TRAPPC10: variants seen among roughly 807,000 people sequenced by gnomAD.
TRAPPC10 encodes the protein trafficking protein particle complex subunit 10, also known as TRAPP 130 kDa subunit.
A neutral mutation model predicts 125.5 loss-of-function variants in TRAPPC10; 23 were observed. That is an observed-to-expected ratio of 0.18 (90% CI 0.13 to 0.26). The LOEUF (loss-of-function observed/expected upper bound fraction) is 0.26. Ranked by LOEUF, TRAPPC10 falls within the 10% of genes least tolerant of loss-of-function variation. TRAPPC10 has a pLI of 1.00. For synonymous variants in TRAPPC10, 509 were observed against 518.0 expected (o/e 0.98, Z 0.24); for missense variants, 1,123 against 1,308.4 (o/e 0.86, Z 2.19).
At chr21:44,044,057 A>G (rs1299125635) in intron 3 of TRAPPC10, among the ~76,000 whole-genome samples, 1 of 152,258 alleles carries the variant, frequency 6.6e-6, no homozygotes, top group East Asian at 1.9e-4. Context: ...ACAGCAGTAG[A>G]TAACTGGAAT....
Position 44,012,575 on chromosome 21 carries a change from G to A in TRAPPC10, c.67+15G>A. Reference sequence around the variant, plus strand: ...CATCGTCACCTGTGAGTGCCCGGAGGCGGGGAGGGCGCGGCGGTCGTTGGG... The same window carrying A: ...CATCGTCACCTGTGAGTGCCCGGAGACGGGGAGGGCGCGGCGGTCGTTGGG... On this transcript the variant is annotated intron_variant, in intron 1 of 22. Coordinates refer to ENST00000291574, the MANE Select transcript of TRAPPC10 (RefSeq NM_003274.5). The A allele has an allele frequency of 6.5e-7, 1 of 1,531,786 alleles. No individual in the cohort carries two copies. The highest frequency in any genetic ancestry group is 8.8e-7 in the Non-Finnish European group (1 of 1,136,684). 94.9% of individuals were successfully genotyped at this position (1,531,786 alleles called of 1,614,324 possible). A position where few individuals can be genotyped will look rare whatever the true frequency, so the allele number is the denominator to read the frequency against.
Position 44,075,057 on chromosome 21 carries a change from C to T in TRAPPC10, c.1204C>T (p.Leu402=). ...ATEKLKSLGY[L]CGLVSEKGPN... is the part of the protein sequence containing the mutation. ...TTAACAGTTAAAGTCCTTGGGCTAT[C>T]TATGTGGACTTGTGTCAGAGAAAGG... Residue 402 remains leucine (L), a synonymous_variant, in exon 9 of 23, where the codon CTA becomes TTA. Transcript: ENST00000291574. 6.2e-7 allele frequency: 1 copy of T among 1,613,504 alleles called. No homozygotes were observed. Among genetic ancestry groups the T allele is most frequent in the East Asian group, 2.2e-5 (1 of 44,892 alleles).
At chr21:44,073,164 A>G (rs2037010128) in intron 7 of TRAPPC10, among the ~76,000 whole-genome samples, 2 of 152,184 alleles carry the variant, frequency 1.3e-5, no homozygotes, top group Middle Eastern at 6.8e-3. Context: ...CTTATTTTTC[A>G]GAAGTTGGGC....
chr21:44,086,787 T>C lies in TRAPPC10; in HGVS notation c.2381-15T>C. 6.2e-7 allele frequency: 1 copy of C among 1,613,326 alleles called. No homozygotes were observed. The highest frequency in any genetic ancestry group is 8.5e-7 in the Non-Finnish European group (1 of 1,179,336). ...GGTTGGCAGCGGTGCTGAGCCACGA[T>C]CTCTTTTCCTTTAGATAGCCTTCTG... On this transcript the variant is annotated splice_polypyrimidine_tract_variant and intron_variant, in intron 15 of 22. Coordinates refer to ENST00000291574, the MANE Select transcript of TRAPPC10 (RefSeq NM_003274.5).
chr21:44,069,915 A>G (rs1413989224), intron 7 of TRAPPC10, among the ~76,000 whole-genome samples: 5 of 151,124 alleles, frequency 3.3e-5, no homozygotes, highest in Admixed American at 6.6e-5. Context: ...TTTTTCTGAG[A>G]TGGAGTCTTG....
chr21:44,064,109 G>T (rs997888799), intron 7 of TRAPPC10, among the ~76,000 whole-genome samples: 1 of 152,204 alleles, frequency 6.6e-6, no homozygotes, highest in African/African-American at 2.4e-5. Flanking sequence ...TCACCTGAGG[G>T]ACACGCAGAG....
intron 5 of TRAPPC10, among the ~76,000 whole-genome samples, chr21:44,057,987 C>T (rs369531702): frequency 6.6e-6 from 1 of 152,234 alleles, no homozygotes; most frequent in Non-Finnish European, 1.5e-5. Flanking sequence ...CTGTTGCCCT[C>T]TCTTTTCATT....
At chr21:44,064,653 G>A (rs548976437) in intron 7 of TRAPPC10, among the ~76,000 whole-genome samples, 1 of 152,178 alleles carries the variant, frequency 6.6e-6, no homozygotes, top group African/African-American at 2.4e-5. Context: ...TAGGTCTGAA[G>A]AGTATAAGCC....
At chr21:44,048,895 A>G (rs1055907115) in intron 3 of TRAPPC10, among the ~76,000 whole-genome samples, 4 of 143,098 alleles carry the variant, frequency 2.8e-5, no homozygotes, top group African/African-American at 1.1e-4. Flanking sequence ...ATTGATTTCT[A>G]GCTTTTGATG....
At chr21:44,056,717 A>G (rs1347853831) in intron 5 of TRAPPC10, among the ~76,000 whole-genome samples, 1 of 152,208 alleles carries the variant, frequency 6.6e-6, no homozygotes, top group Non-Finnish European at 1.5e-5. Flanking sequence ...TGAAGCTGAC[A>G]GACTGCAGGG....
Position 44,087,960 on chromosome 21 carries a change from T to G in TRAPPC10, c.2769+32T>G. 1 of 1,563,930 alleles carries G rather than the reference T, an allele frequency of 6.4e-7. No homozygotes were observed. The highest frequency in any genetic ancestry group is 1.8e-5 in the Admixed American group (1 of 54,726). On this transcript the variant is annotated intron_variant, in intron 17 of 22. Coordinates refer to ENST00000291574, the MANE Select transcript of TRAPPC10 (RefSeq NM_003274.5). The surrounding 1 kb of genome is among the most constrained non-coding windows in gnomAD (Gnocchi z 4.6). ...AGGGACAGTGGAGGAGCTTAGCTTG[T>G]GGGGCGTCCGCCGCCCGCCTGCCTG... is the stretch of plus-strand genomic sequence containing the variant.
chr21:44,076,060 AAAT>A (rs2037259998), intron 9 of TRAPPC10, among the ~76,000 whole-genome samples: 1 of 147,328 alleles, frequency 6.8e-6, no homozygotes, highest in Non-Finnish European at 1.5e-5. Flanking sequence ...AAAAAAAAAA[AAAT>A]TCTCCTGGAT....
At position 44,051,247 on chromosome 21, in the gene TRAPPC10, C is replaced by T. The variant is rs534516340; in HGVS notation, c.286-1033C>T. ...CACTCGTGGATACTCTGATTGGCTTCTCTCTGCCTGAGTGTTACTCAAGAG... is the reference window on the plus strand; with the variant it reads ...CACTCGTGGATACTCTGATTGGCTTTTCTCTGCCTGAGTGTTACTCAAGAG... On this transcript the variant is annotated intron_variant, in intron 3 of 22. Transcript: ENST00000291574. Among the ~76,000 whole-genome samples, 6 of 152,280 alleles carry T rather than the reference C, an allele frequency of 3.9e-5. No homozygotes were observed. The South Asian group carries it at 1.0e-3, about 26-fold the overall frequency.
chr21:44,075,190 G>A lies in TRAPPC10; in HGVS notation c.1300+37G>A, dbSNP rs113258803. On this transcript the variant is annotated intron_variant, in intron 9 of 22. Transcript: ENST00000291574. ...TATATACCTGTGTGAGTGGTGAGGTGGACAGTAATGAAAATGTCCTTTGCA... is the reference window on the plus strand; with the variant it reads ...TATATACCTGTGTGAGTGGTGAGGTAGACAGTAATGAAAATGTCCTTTGCA... 8.7e-5 allele frequency: 125 copies of A among 1,442,670 alleles called. No homozygotes were observed. The African/African-American group carries it at 1.6e-3, about 19-fold the overall frequency. 89.4% of individuals were successfully genotyped at this position (1,442,670 alleles called of 1,614,324 possible).
At chr21:44,048,175 A>T (rs9979931) in intron 3 of TRAPPC10, among the ~76,000 whole-genome samples, 13,686 of 152,104 alleles carry the variant, frequency 0.09, 1,448 homozygotes, top group African/African-American at 0.25. Flanking sequence ...TTCCCTGTGG[A>T]ATACTCGAGG....
At chr21:44,078,914 C>T (rs2146066370) in intron 11 of TRAPPC10, among the ~76,000 whole-genome samples, 1 of 152,274 alleles carries the variant, frequency 6.6e-6, no homozygotes, top group Non-Finnish European at 1.5e-5. Context: ...CCACTGTATT[C>T]CAGCCTGAGT....
intron 20 of TRAPPC10, among the ~76,000 whole-genome samples, chr21:44,096,116 G>C (rs1420008863): frequency 4.9e-5 from 2 of 40,914 alleles, no homozygotes; most frequent in African/African-American, 2.1e-4. Context: ...ATTGGCAGGC[G>C]TTTCCCCAGT....
intron 2 of TRAPPC10, 60 bp downstream of exon 2, chr21:44,032,232 G>A: frequency 7.3e-7 from 1 of 1,362,218 alleles, no homozygotes; most frequent in Non-Finnish European, 1.0e-6. Context: ...TGAAGTACAT[G>A]TTTTTAAATA....
At chr21:44,040,273 GCCTTT>G (rs2034317973) in intron 3 of TRAPPC10, among the ~76,000 whole-genome samples, 1 of 152,036 alleles carries the variant, frequency 6.6e-6, no homozygotes, top group African/African-American at 2.4e-5. Flanking sequence ...AGCAAGGGCT[GCCTTT>G]CCTTTTGTGC....
Sources: allele counts gnomAD v4.1 joint callset (sites outside exome capture counted in the v4.1 genomes callset), GRCh38; gene constraint gnomAD v4.1.1; non-coding constraint Gnocchi (gnomAD v3.1); transcripts MANE v1.5; gene names NCBI Gene and HGNC (gene_info 2026-07-23, HGNC 2026-07-21).